The following NAF1 variants were observed in gnomAD, a reference collection of about 807,000 sequenced individuals.
NAF1 encodes nuclear assembly factor 1 ribonucleoprotein.
Under a neutral mutation model 40.6 loss-of-function variants are expected in NAF1, and 11 were observed. The ratio of observed to expected loss-of-function variants is 0.27; its 90% CI spans 0.17 to 0.45. NAF1 has a LOEUF of 0.45. NAF1 is among the 20% of genes least tolerant of loss of function. NAF1 has a pLI of 1.00. For missense variants in NAF1, 607 were observed against 611.1 expected (o/e 0.99, Z 0.07); for synonymous variants, 260 against 228.5 (o/e 1.14, Z -1.24).
intron 2 of NAF1, among the ~76,000 whole-genome samples, chr4:163,151,528 T>C (rs1731707232): frequency 6.6e-6 from 1 of 152,136 alleles, no homozygotes; most frequent in South Asian, 2.1e-4. Context: ...AAACAAACTT[T>C]AACATATACT....
chr4:163,128,606 C>CTA (rs61471175), downstream of NAF1: 6,968 of 319,368 alleles, frequency 0.022, 45 homozygotes, highest in East Asian at 0.087. Context: ...ATATCCATTA[C>CTA]TATATATATA....
chr4:163,122,891 A>G (rs983998123), downstream of NAF1, among the ~76,000 whole-genome samples: 1 of 152,198 alleles, frequency 6.6e-6, no homozygotes, highest in African/African-American at 2.4e-5. Context: ...TTCATTATAC[A>G]TTACCCAGTC....
At chr4:163,115,068 A>G (rs756746390) in intron 2 of NAF1, among the ~76,000 whole-genome samples, 5 of 152,102 alleles carry the variant, frequency 3.3e-5, no homozygotes. Context: ...ACAGTCAATT[A>G]GACTTTCTTC....
In NAF1 at chr4:163,112,627, A is replaced by G. The variant is rs181565832; in HGVS notation, c.115-2337T>C. ...TAGAAAGGTGCACTTAGGGCTCTCC[A>G]TAAGTGAGATGGACTTTATAGTTGC... On this transcript the variant is annotated intron_variant, in intron 2 of 2. Coordinates refer to the NAF1 transcript ENST00000509434. Among the ~76,000 whole-genome samples the G allele has an allele frequency of 3.3e-4, 51 of 152,316 alleles. No individual in the cohort carries two copies. In the East Asian group the frequency reaches 8.5e-3, roughly 25 times the overall value.
At chr4:163,106,233 TATTAC>T (rs1158094884), downstream of NAF1, among the ~76,000 whole-genome samples, 1 of 152,196 alleles carries the variant, frequency 6.6e-6, no homozygotes, top group Non-Finnish European at 1.5e-5. Flanking sequence ...CCAGTGTTCT[TATTAC>T]ATTATTTCAA....
chr4:163,139,653 T>C (rs911655156), intron 5 of NAF1, among the ~76,000 whole-genome samples: 14 of 152,138 alleles, frequency 9.2e-5, no homozygotes, highest in African/African-American at 3.4e-4. Flanking sequence ...CTTAGCATTA[T>C]TGATAGACAA....
At chr4:163,141,908 C>A in intron 4 of NAF1, 7 of 972,120 alleles carry the variant, frequency 7.2e-6, no homozygotes, top group Non-Finnish European at 8.6e-6. Context: ...CATTAATTTT[C>A]ATTAAGGCGT....
chr4:163,144,810 G>A (rs1170103766), intron 4 of NAF1, among the ~76,000 whole-genome samples: 2 of 152,066 alleles, frequency 1.3e-5, no homozygotes, highest in Non-Finnish European at 2.9e-5. Context: ...ACATTTACAG[G>A]TCTAGAAATT....
intron 2 of NAF1, among the ~76,000 whole-genome samples, chr4:163,156,810 T>C (rs1019474026): frequency 2.0e-5 from 3 of 152,192 alleles, no homozygotes; most frequent in African/African-American, 7.2e-5. Flanking sequence ...GATAAATCTA[T>C]ATTTTAATTT....
chr4:163,138,924 A>T (rs1731155425), intron 5 of NAF1, among the ~76,000 whole-genome samples: 1 of 152,172 alleles, frequency 6.6e-6, no homozygotes, highest in Admixed American at 6.5e-5. Flanking sequence ...TTTAGAACAT[A>T]TTAATATCTT....
chr4:163,108,079 T>C (rs990865562), downstream of NAF1, among the ~76,000 whole-genome samples: 2 of 152,202 alleles, frequency 1.3e-5, no homozygotes, highest in Non-Finnish European at 2.9e-5. Context: ...AAAATTTTTT[T>C]TTCTTCCTGC....
chr4:163,122,423 T>C (rs1021720612), downstream of NAF1, among the ~76,000 whole-genome samples: 1 of 152,188 alleles, frequency 6.6e-6, no homozygotes, highest in Non-Finnish European at 1.5e-5. Context: ...TCGATATTCA[T>C]TGCCCCAAAA....
intron 2 of NAF1, among the ~76,000 whole-genome samples, chr4:163,110,814 T>C (rs1453314483): frequency 6.6e-6 from 1 of 152,156 alleles, no homozygotes; most frequent in Non-Finnish European, 1.5e-5. Context: ...AGCGTAGTTA[T>C]TTACATATTT....
chr4:163,164,846 C>T (rs1732386159), intron 1 of NAF1, among the ~76,000 whole-genome samples: 1 of 152,214 alleles, frequency 6.6e-6, no homozygotes, highest in Non-Finnish European at 1.5e-5. Context: ...GGGAAATCCT[C>T]AGTTACGAAA....
At chr4:163,158,724 T>C (rs751258283) in intron 2 of NAF1, among the ~76,000 whole-genome samples, 1 of 152,114 alleles carries the variant, frequency 6.6e-6, no homozygotes, top group African/African-American at 2.4e-5. Flanking sequence ...CCTCCAACAA[T>C]GAATATAACT....
intron 6 of NAF1, 60 bp downstream of exon 6, chr4:163,137,139 T>C: frequency 2.5e-6 from 4 of 1,586,580 alleles, no homozygotes; most frequent in Non-Finnish European, 3.4e-6. Flanking sequence ...AATGATAAAA[T>C]TTATAAGATT....
intron 7 of NAF1, among the ~76,000 whole-genome samples, chr4:163,132,069 G>C (rs1186612935): frequency 6.6e-6 from 1 of 152,138 alleles, no homozygotes; most frequent in African/African-American, 2.4e-5. Context: ...AACACCAAAT[G>C]CTGGAGAAAA....
At chr4:163,110,140 A>T (rs2110789243) in exon 3 of NAF1, 1 of 548,876 alleles carries the variant, frequency 1.8e-6, no homozygotes, top group East Asian at 3.0e-5. Context: ...TGAGGTTCCC[A>T]TGGCAACTCT....
intron 2 of NAF1, among the ~76,000 whole-genome samples, chr4:163,152,878 C>T (rs894045600): frequency 1.3e-4 from 20 of 152,182 alleles, no homozygotes; most frequent in African/African-American, 3.9e-4. Flanking sequence ...GGGCTGCGCG[C>T]GGCGCTTGCG....
Sources: gnomAD v4.1 joint callset for allele counts (sites outside exome capture counted in the v4.1 genomes callset) on GRCh38, gnomAD v4.1.1 for gene constraint, MANE v1.5 for transcripts, NCBI Gene and HGNC (gene_info 2026-07-23, HGNC 2026-07-21) for gene names.